RERG: variants seen among roughly 807,000 people sequenced by gnomAD.
RERG encodes ras-related and estrogen-regulated growth inhibitor.
A neutral mutation model predicts 23.2 loss-of-function variants in RERG; 25 were observed. The observed-to-expected ratio is 1.08, with a 90% CI of 0.79 to 1.50. The LOEUF is 1.50. Ranked by LOEUF, RERG falls within the 40% of genes most tolerant of loss-of-function variation. The probability of loss-of-function intolerance (pLI) is 0.00; values close to 1 mark genes in which losing one functional copy is unlikely to be tolerated. For synonymous variants in RERG, 81 were observed against 89.1 expected (o/e 0.91, Z 0.51); for missense variants, 253 against 250.1 (o/e 1.01, Z -0.08).
intron 2 of RERG, among the ~76,000 whole-genome samples, chr12:15,134,944 C>T (rs567560422): frequency 3.3e-5 from 5 of 152,206 alleles, no homozygotes; most frequent in African/African-American, 9.6e-5. Flanking sequence ...TTGTTGATAT[C>T]CACGATACAA....
intron 2 of RERG, among the ~76,000 whole-genome samples, chr12:15,147,803 C>T (rs1864359785): frequency 6.6e-6 from 1 of 152,146 alleles, no homozygotes; most frequent in Non-Finnish European, 1.5e-5. Context: ...TCAAAGGAAT[C>T]CTACCAGTTC....
At chr12:15,158,562 G>T (rs1864557050) in intron 2 of RERG, among the ~76,000 whole-genome samples, 2 of 152,108 alleles carry the variant, frequency 1.3e-5, no homozygotes, top group Admixed American at 1.3e-4. Flanking sequence ...GATTACAAGT[G>T]TGAACCATTG....
At chr12:15,197,253 T>C (rs1465860363) in intron 2 of RERG, among the ~76,000 whole-genome samples, 1 of 152,198 alleles carries the variant, frequency 6.6e-6, no homozygotes, top group Non-Finnish European at 1.5e-5. Flanking sequence ...AAAACTATTA[T>C]AGTTAGCAGG....
At chr12:15,143,484 A>G (rs1864276109) in intron 2 of RERG, among the ~76,000 whole-genome samples, 1 of 152,088 alleles carries the variant, frequency 6.6e-6, no homozygotes, top group African/African-American at 2.4e-5. Context: ...TCATAGATTT[A>G]AGCCATTGTA....
intron 2 of RERG, among the ~76,000 whole-genome samples, chr12:15,167,043 A>G (rs1489396351): frequency 6.6e-6 from 1 of 152,192 alleles, no homozygotes; most frequent in African/African-American, 2.4e-5. Flanking sequence ...CAAGCAAGGC[A>G]GGTCTTATTA....
At chr12:15,201,548 T>G (rs1431451733) in intron 2 of RERG, among the ~76,000 whole-genome samples, 2 of 149,370 alleles carry the variant, frequency 1.3e-5, no homozygotes, top group African/African-American at 2.5e-5. Flanking sequence ...TAATATTAGC[T>G]AATAATAGTA....
chr12:15,193,543 T>G (rs1865101331), intron 2 of RERG, among the ~76,000 whole-genome samples: 1 of 152,176 alleles, frequency 6.6e-6, no homozygotes, highest in Admixed American at 6.6e-5. Flanking sequence ...GAGAACACTG[T>G]GATGGCTTTA....
intron 2 of RERG, among the ~76,000 whole-genome samples, chr12:15,179,696 A>G (rs1864898448): frequency 6.6e-6 from 1 of 152,226 alleles, no homozygotes; most frequent in Non-Finnish European, 1.5e-5. Context: ...GGGTTTTTGT[A>G]TTCCAATTGC....
Position 15,159,768 on chromosome 12 carries a change from G to A in RERG, c.62-38649C>T, listed in dbSNP as rs563737970. Among the ~76,000 whole-genome samples, 7 of 152,306 alleles carry A rather than the reference G, an allele frequency of 4.6e-5. No homozygotes were observed. In the South Asian group the frequency reaches 6.2e-4, roughly 14 times the overall value. ...GAACCCGGGAGGCGTAGCTTGCAGT[G>A]AGCCGAGATTGTGCCACTGCACTCC... On this transcript the variant is annotated intron_variant, in intron 2 of 4. Transcript: ENST00000256953.
chr12:15,157,933 A>G (rs1472373202), intron 2 of RERG, among the ~76,000 whole-genome samples: 1 of 152,032 alleles, frequency 6.6e-6, no homozygotes, highest in African/African-American at 2.4e-5. Context: ...CTATACATAA[A>G]TATTTATGTA....
At chr12:15,213,493 C>G (rs1451430904) in intron 2 of RERG, among the ~76,000 whole-genome samples, 1 of 152,196 alleles carries the variant, frequency 6.6e-6, no homozygotes, top group Non-Finnish European at 1.5e-5. Context: ...CTACACTTTG[C>G]AGCGTCCCCA....
chr12:15,141,799 G>A (rs1864242740), intron 2 of RERG, among the ~76,000 whole-genome samples: 1 of 152,206 alleles, frequency 6.6e-6, no homozygotes, highest in African/African-American at 2.4e-5. Context: ...TTAGAAGTCT[G>A]TTCCAGCTTA....
intron 2 of RERG, among the ~76,000 whole-genome samples, chr12:15,133,532 G>T (rs1358690023): frequency 6.6e-6 from 1 of 152,008 alleles, no homozygotes; most frequent in African/African-American, 2.4e-5. Flanking sequence ...TGGCAATTAT[G>T]AATAAAAGTT....
intron 3 of RERG, among the ~76,000 whole-genome samples, chr12:15,111,966 G>A (rs1254643871): frequency 1.3e-5 from 2 of 152,108 alleles, no homozygotes; most frequent in South Asian, 2.1e-4. Context: ...CTCAGCCACC[G>A]TGCCTGGCCC....
intron 2 of RERG, among the ~76,000 whole-genome samples, chr12:15,216,137 A>C (rs1435445353): frequency 6.6e-6 from 1 of 152,116 alleles, no homozygotes; most frequent in Non-Finnish European, 1.5e-5. Flanking sequence ...CACAGGAATC[A>C]TTTCCTCATT....
intron 2 of RERG, among the ~76,000 whole-genome samples, chr12:15,125,456 G>C (rs1863921435): frequency 6.6e-6 from 1 of 151,978 alleles, no homozygotes; most frequent in African/African-American, 2.4e-5. Context: ...AGATAGAGTA[G>C]CTCTCTTCAT....
At chr12:15,141,322 A>T (rs1410483217) in intron 2 of RERG, among the ~76,000 whole-genome samples, 1 of 151,820 alleles carries the variant, frequency 6.6e-6, no homozygotes, top group Non-Finnish European at 1.5e-5. Context: ...CGCCCAGCTA[A>T]TTTTTTGTAT....
chr12:15,152,477 G>T (rs1326877396), intron 2 of RERG, among the ~76,000 whole-genome samples: 2 of 152,292 alleles, frequency 1.3e-5, no homozygotes, highest in Non-Finnish European at 2.9e-5. Flanking sequence ...GGACAGAGAA[G>T]GCTCTGAAGC....
intron 3 of RERG, chr12:15,114,671 C>G (rs1863688556): frequency 6.6e-6 from 1 of 152,130 alleles, no homozygotes; most frequent in Non-Finnish European, 1.5e-5. Flanking sequence ...CACTAGTGTT[C>G]GGTGTGGGCG....
Sources: allele counts gnomAD v4.1 joint callset (sites outside exome capture counted in the v4.1 genomes callset), GRCh38; gene constraint gnomAD v4.1.1; transcripts MANE v1.5; gene names NCBI Gene and HGNC (gene_info 2026-07-23, HGNC 2026-07-21).